HIF1A: variants seen among roughly 807,000 people sequenced by gnomAD.
The protein encoded by HIF1A is hypoxia-inducible factor 1-alpha.
A neutral mutation model predicts 92.7 loss-of-function variants in HIF1A; 24 were observed. That is an observed-to-expected ratio of 0.26 (90% CI 0.19 to 0.36). The LOEUF (loss-of-function observed/expected upper bound fraction) is 0.36, where lower values mean the gene tolerates loss of function less well. Ranked by LOEUF, HIF1A falls within the 10% of genes least tolerant of loss-of-function variation. The pLI, the probability that HIF1A is intolerant of heterozygous loss-of-function variation, is 1.00. For missense variants in HIF1A, 799 were observed against 998.5 expected (o/e 0.80, Z 2.69); for synonymous variants, 319 against 338.7 (o/e 0.94, Z 0.64).
chr14:61,700,955 G>A (rs2044170447), intron 1 of HIF1A, among the ~76,000 whole-genome samples: 1 of 152,170 alleles, frequency 6.6e-6, no homozygotes, highest in Non-Finnish European at 1.5e-5. Flanking sequence ...AGCTTTAACT[G>A]AAAGGAGAGT....
chr14:61,695,882 C>G, intron 1 of HIF1A, 43 bp downstream of exon 1: 1 of 1,541,892 alleles, frequency 6.5e-7, no homozygotes, highest in Non-Finnish European at 8.8e-7. Flanking sequence ...CCCCGGCGAC[C>G]CCGCCCGCCT....
chr14:61,716,834 G>A (rs2044369790), intron 1 of HIF1A: 1 of 152,024 alleles, frequency 6.6e-6, no homozygotes, highest in African/African-American at 2.4e-5. Context: ...TAATAAAATG[G>A]TAAGCATGTA....
intron 1 of HIF1A, among the ~76,000 whole-genome samples, chr14:61,708,661 A>G (rs1030876846): frequency 3.3e-5 from 5 of 152,040 alleles, no homozygotes; most frequent in Admixed American, 1.3e-4. Flanking sequence ...CCATTGGTCT[A>G]TATCTCTGTT....
chr14:61,738,489 T>C, intron 10 of HIF1A, 116 bp downstream of exon 10: 1 of 1,000,642 alleles, frequency 1.0e-6, no homozygotes, highest in Non-Finnish European at 1.5e-6. Flanking sequence ...TGTGTGTGTG[T>C]TTGAATTTTA....
chr14:61,746,911 T>TA, intron 14 of HIF1A, 23 bp from the exon 15 acceptor site: 1 of 1,570,032 alleles, frequency 6.4e-7, no homozygotes, highest in Non-Finnish European at 8.7e-7. Flanking sequence ...AATGTATACT[T>TA]AGGTATCTCT....
At chr14:61,737,877 G>A (rs1290672421) in intron 9 of HIF1A, among the ~76,000 whole-genome samples, 3 of 152,008 alleles carry the variant, frequency 2.0e-5, no homozygotes, top group Middle Eastern at 3.4e-3. Context: ...AAATACAAAA[G>A]TTAGCTGGGC....
chr14:61,736,724 A>T (rs1274930195), intron 8 of HIF1A, among the ~76,000 whole-genome samples, 165 bp from the exon 9 acceptor site: 9 of 152,088 alleles, frequency 5.9e-5, no homozygotes, highest in Non-Finnish European at 1.2e-4. Context: ...GCATTTTAAA[A>T]CCCTAAATGT....
intron 1 of HIF1A, 42 bp downstream of exon 1, chr14:61,695,881 C>T (rs1182138942): frequency 6.5e-7 from 1 of 1,541,620 alleles, no homozygotes; most frequent in South Asian, 1.2e-5. Flanking sequence ...CCCCCGGCGA[C>T]CCCGCCCGCC....
At chr14:61,700,996 C>G (rs1163375036) in intron 1 of HIF1A, among the ~76,000 whole-genome samples, 1 of 152,186 alleles carries the variant, frequency 6.6e-6, no homozygotes, top group African/African-American at 2.4e-5. Context: ...TTCAATTTTT[C>G]TAGTGACTTA....
Position 61,695,768 on chromosome 14 carries a change from C to T in HIF1A, c.-37C>T. 2 of 1,572,242 alleles carry T rather than the reference C, an allele frequency of 1.3e-6. No individual in the cohort carries two copies. Among genetic ancestry groups the T allele is most frequent in the Non-Finnish European group, 1.7e-6 (2 of 1,160,510 alleles). On this transcript the variant is annotated 5_prime_UTR_variant, in exon 1 of 15. Coordinates refer to ENST00000337138, the MANE Select transcript of HIF1A (RefSeq NM_001530.4). ...GCTTAGGCCGGAGCGAGCCTGGGGG[C>T]CGCCCGCCGTGAAGACATCGCGGGG...
intron 12 of HIF1A, among the ~76,000 whole-genome samples, chr14:61,743,097 T>TCTTGTTGCCCAGGCTGGAGTG (rs1214373836): frequency 2.6e-5 from 4 of 152,058 alleles, no homozygotes; most frequent in Non-Finnish European, 4.4e-5. Flanking sequence ...GGAGTTTTGC[T>TCTTGTTGCCCAGGCTGGAGTG]CTTGTTGCCC....
intron 12 of HIF1A, among the ~76,000 whole-genome samples, chr14:61,741,655 C>T (rs1163538283): frequency 6.6e-6 from 1 of 152,120 alleles, no homozygotes; most frequent in Non-Finnish European, 1.5e-5. Flanking sequence ...AGGTGTGAGC[C>T]ACCATGCCCG....
chr14:61,742,270 A>G (rs2044720671), intron 12 of HIF1A, among the ~76,000 whole-genome samples: 1 of 152,228 alleles, frequency 6.6e-6, no homozygotes, highest in Non-Finnish European at 1.5e-5. Flanking sequence ...TGGAAAAGGG[A>G]AATGATTCCT....
At chr14:61,704,901 C>G (rs1383164589) in intron 1 of HIF1A, among the ~76,000 whole-genome samples, 1 of 152,076 alleles carries the variant, frequency 6.6e-6, no homozygotes, top group Middle Eastern at 3.2e-3. Context: ...ATAGCATATT[C>G]CATTTTTAAA....
intron 12 of HIF1A, among the ~76,000 whole-genome samples, chr14:61,744,246 G>A (rs773046340): frequency 6.6e-6 from 1 of 152,074 alleles, no homozygotes; most frequent in Non-Finnish European, 1.5e-5. Context: ...ATTAAGCTTT[G>A]ACGGCCAGGT....
chr14:61,706,172 CAGAGAAAGA>C (rs2044237454), intron 1 of HIF1A, among the ~76,000 whole-genome samples: 1 of 152,088 alleles, frequency 6.6e-6, no homozygotes, highest in African/African-American at 2.4e-5. Context: ...GGAAGCAATG[CAGAGAAAGA>C]AGAGTGATAG....
chr14:61,724,040 A>C (rs1384859348), intron 4 of HIF1A, among the ~76,000 whole-genome samples: 3 of 151,632 alleles, frequency 2.0e-5, no homozygotes, highest in Non-Finnish European at 4.4e-5. Flanking sequence ...ATGCTTTAGA[A>C]TTTATAAATT....
chr14:61,736,328 AT>A (rs956522542), intron 8 of HIF1A, among the ~76,000 whole-genome samples: 7 of 150,744 alleles, frequency 4.6e-5, no homozygotes, highest in Non-Finnish European at 8.9e-5. Flanking sequence ...TGTACTGGGG[AT>A]TTTTTTTTTA....
chr14:61,731,810 C>T (rs1219608874), intron 6 of HIF1A, among the ~76,000 whole-genome samples: 1 of 152,162 alleles, frequency 6.6e-6, no homozygotes, highest in African/African-American at 2.4e-5. Context: ...TGCCTTGTTA[C>T]CAAAAGTATG....
Sources: allele counts gnomAD v4.1 joint callset (sites outside exome capture counted in the v4.1 genomes callset), GRCh38; gene constraint gnomAD v4.1.1; transcripts MANE v1.5; gene names NCBI Gene and HGNC (gene_info 2026-07-23, HGNC 2026-07-21).